VPS13C: variants seen among roughly 807,000 people sequenced by gnomAD.
VPS13C encodes the protein vacuolar protein sorting 13 homolog C, also known as intermembrane lipid transfer protein VPS13C.
A neutral mutation model predicts 456.8 loss-of-function variants in VPS13C; 358 were observed. The ratio of observed to expected loss-of-function variants is 0.78; its 90% CI spans 0.72 to 0.86. VPS13C has a LOEUF of 0.86. VPS13C is among the 40% of genes least tolerant of loss of function. VPS13C has a pLI of 0.00. For synonymous variants in VPS13C, 1,578 were observed against 1,486.7 expected (o/e 1.06, Z -1.41); for missense variants, 4,818 against 4,385.4 (o/e 1.10, Z -2.79).
At chr15:61,936,434 G>A (rs758053369) in intron 48 of VPS13C, among the ~76,000 whole-genome samples, 163 bp downstream of exon 48, 3 of 152,184 alleles carry the variant, frequency 2.0e-5, no homozygotes, top group Non-Finnish European at 4.4e-5. Flanking sequence ...CCCTGTAGCA[G>A]AGAACAGACA....
chr15:62,029,655 C>T (rs1333957542), intron 5 of VPS13C, among the ~76,000 whole-genome samples: 1 of 152,002 alleles, frequency 6.6e-6, no homozygotes, highest in African/African-American at 2.4e-5. Context: ...CTTATTTGTC[C>T]AATTAAAATA....
At chr15:62,013,791 A>T in intron 10 of VPS13C, 142 bp downstream of exon 10, 1 of 563,538 alleles carries the variant, frequency 1.8e-6, no homozygotes, top group South Asian at 3.0e-5. Flanking sequence ...AGAGGGTCAC[A>T]TAGTAAGTAG....
chr15:62,023,741 G>A, intron 7 of VPS13C, 39 bp downstream of exon 7: 2 of 1,543,540 alleles, frequency 1.3e-6, no homozygotes, highest in Non-Finnish European at 8.9e-7. Flanking sequence ...GTGGCAATGT[G>A]TATAAACAAC....
intron 1 of VPS13C, among the ~76,000 whole-genome samples, chr15:62,056,382 A>G (rs891619111): frequency 6.6e-6 from 1 of 152,234 alleles, no homozygotes; most frequent in African/African-American, 2.4e-5. Context: ...CTGAGGGGAC[A>G]TAGTGAGGTG....
chr15:61,986,172 T>G lies in VPS13C; in HGVS notation c.1579-1173A>C, dbSNP rs77143923. Among the ~76,000 whole-genome samples the G allele has an allele frequency of 3.9e-3, 538 of 139,528 alleles. 5 individuals carry two copies. The highest frequency in any genetic ancestry group is 0.014 in the African/African-American group (521 of 37,408). 91.5% of individuals were successfully genotyped at this position (139,528 alleles called of 152,430 possible). Reference sequence around the variant, plus strand: ...ACAGGCTCACTAGATTCATGACAAATTGGAACAAAAACCAGCAGAAACAAC... The same window carrying G: ...ACAGGCTCACTAGATTCATGACAAAGTGGAACAAAAACCAGCAGAAACAAC... On this transcript the variant is annotated intron_variant, in intron 18 of 84. Transcript: ENST00000644861.
In VPS13C at chr15:61,880,843, C is replaced by T; in HGVS notation, c.9888G>A (p.Arg3296=). 1 of 1,581,136 alleles carries T rather than the reference C, an allele frequency of 6.3e-7. No homozygotes were observed. The highest frequency in any genetic ancestry group is 8.5e-7 in the Non-Finnish European group (1 of 1,170,462). Reference sequence around the variant, plus strand: ...TTCCCCAAGAAATAAAAATTTTTACCCGTCTTCTTTCAGCTTCAGGGTCTG... The same window carrying T: ...TTCCCCAAGAAATAAAAATTTTTACTCGTCTTCTTTCAGCTTCAGGGTCTG... The part of the protein sequence containing the change: ...PTTDPEAERR[R]TKLIQQDIDA... Residue 3296 remains arginine, a splice_region_variant and synonymous_variant, in exon 72 of 85, where the codon CGG becomes CGA. Coordinates refer to ENST00000644861, the MANE Select transcript of VPS13C (RefSeq NM_020821.3).
chr15:61,868,347 G>C (rs1010240041), intron 81 of VPS13C, among the ~76,000 whole-genome samples: 1 of 151,922 alleles, frequency 6.6e-6, no homozygotes, highest in African/African-American at 2.4e-5. Context: ...CCAATAATCA[G>C]CTACAAAGCA....
At chr15:61,870,423 T>G (rs1175195111) in intron 79 of VPS13C, among the ~76,000 whole-genome samples, 1 of 152,198 alleles carries the variant, frequency 6.6e-6, no homozygotes, top group Non-Finnish European at 1.5e-5. Context: ...AGCATCATGT[T>G]TTCAAGGTTC....
In VPS13C at chr15:61,959,527, A is replaced by T. The variant is rs755144074; in HGVS notation, c.3977T>A (p.Leu1326His). The T allele has an allele frequency of 6.2e-7, 1 of 1,613,268 alleles. No homozygotes were observed. The highest frequency in any genetic ancestry group is 8.5e-7 in the Non-Finnish European group (1 of 1,179,458). Residue 1326 changes from leucine to histidine, a missense_variant, in exon 36 of 85, where the codon CTT becomes CAT. Physicochemically the swap from Leu to His is moderately conservative, Grantham distance 99 (BLOSUM62 -3). Coordinates refer to ENST00000644861, the MANE Select transcript of VPS13C (RefSeq NM_020821.3). ...QLLHPINLEF[L>H]VNRNLAASWY... ...AGATGCAGCTAGATTCCGATTTACAAGAAATTCCAAGTTAATTGGGTGCAA... is the reference window on the plus strand; with the variant it reads ...AGATGCAGCTAGATTCCGATTTACATGAAATTCCAAGTTAATTGGGTGCAA...
At chr15:61,983,382 T>TA (rs1174934193) in intron 20 of VPS13C, among the ~76,000 whole-genome samples, 5 of 152,180 alleles carry the variant, frequency 3.3e-5, no homozygotes, top group Admixed American at 6.5e-5. Context: ...GAACTTCCAA[T>TA]AACATCTAAA....
At chr15:62,047,002 C>T (rs185813392) in intron 1 of VPS13C, among the ~76,000 whole-genome samples, 8 of 151,242 alleles carry the variant, frequency 5.3e-5, no homozygotes, top group Admixed American at 1.3e-4. Context: ...GAAATTATTA[C>T]GGAAATTATA....
intron 2 of VPS13C, among the ~76,000 whole-genome samples, chr15:62,042,036 G>C (rs1164228783): frequency 2.6e-5 from 4 of 152,062 alleles, no homozygotes; most frequent in Admixed American, 2.6e-4. Flanking sequence ...AAAAAGAAGA[G>C]TCTTTTTGCA....
rs1265911976 is a variant in VPS13C, at chr15:61,927,296, G to A, written c.6311C>T (p.Thr2104Ile). 6.2e-7 allele frequency: 1 copy of A among 1,614,118 alleles called. No individual in the cohort carries two copies. Among genetic ancestry groups the A allele is most frequent in the Non-Finnish European group, 8.5e-7 (1 of 1,179,988 alleles). ...TGGATCTGTGATCATGGCCTTTAAA[G>A]TCATATTTGGTCTAACAGAGTCATC... is the stretch of plus-strand genomic sequence containing the variant. ...EKDDSVRPNM[T>I]LKAMITDPEV... Residue 2104 changes from threonine (T) to isoleucine (I), a missense_variant, in exon 52 of 85, where the codon ACT becomes ATT. Thr to Ile is a moderately conservative substitution (Grantham distance 89). This residue lies in a region of VPS13C where 4,552 missense variants were observed against 4,130.6 expected (regional missense o/e 1.10). Coordinates refer to ENST00000644861, the MANE Select transcript of VPS13C (RefSeq NM_020821.3).
chr15:61,972,991 T>A (rs2045600062), intron 26 of VPS13C, among the ~76,000 whole-genome samples: 1 of 152,204 alleles, frequency 6.6e-6, no homozygotes, highest in Non-Finnish European at 1.5e-5. Context: ...AATGGTTCTG[T>A]TTTTCCCTAT....
At chr15:62,029,535 C>T (rs2047742355) in intron 5 of VPS13C, among the ~76,000 whole-genome samples, 1 of 152,206 alleles carries the variant, frequency 6.6e-6, no homozygotes, top group East Asian at 1.9e-4. Context: ...ATAGTGTCTA[C>T]CCTGATCTCT....
At position 61,970,802 on chromosome 15, in the gene VPS13C, T is replaced by C. The variant is rs568982478; in HGVS notation, c.2758-1350A>G. 2.0e-5 allele frequency among the ~76,000 whole-genome samples: 3 copies of C among 151,502 alleles called. No individual in the cohort carries two copies. In the South Asian group the frequency reaches 6.3e-4, roughly 32 times the overall value. On this transcript the variant is annotated intron_variant, in intron 27 of 84. Coordinates refer to ENST00000644861, the MANE Select transcript of VPS13C (RefSeq NM_020821.3). ...AGAAAATGAAGGTTGCTGTCTTGTCTTGGGTGGTCAGATCTTTCCAATAAG... is the reference window on the plus strand; with the variant it reads ...AGAAAATGAAGGTTGCTGTCTTGTCCTGGGTGGTCAGATCTTTCCAATAAG...
chr15:61,892,949 C>A (rs1362905356), intron 66 of VPS13C, among the ~76,000 whole-genome samples: 1 of 151,848 alleles, frequency 6.6e-6, no homozygotes, highest in African/African-American at 2.4e-5. Context: ...GAGGAGAAAA[C>A]AGAATAAAAA....
chr15:62,023,625 C>A (rs769780357), intron 7 of VPS13C, 105 bp from the exon 8 acceptor site: 1 of 1,111,194 alleles, frequency 9.0e-7, no homozygotes, highest in Non-Finnish European at 1.3e-6. Context: ...AAATTACAGC[C>A]AATAGTGTCT....
At chr15:62,019,563 G>C (rs1053781720) in intron 9 of VPS13C, among the ~76,000 whole-genome samples, 41 of 152,098 alleles carry the variant, frequency 2.7e-4, no homozygotes, top group Non-Finnish European at 4.7e-4. Context: ...AGTCATTCAG[G>C]AGAAGGTTGT....
Sources: gnomAD v4.1 joint callset for allele counts (sites outside exome capture counted in the v4.1 genomes callset) on GRCh38, gnomAD v4.1.1 for gene constraint, gnomAD v4.1.1 regional missense constraint, MANE v1.5 for transcripts, NCBI Gene and HGNC (gene_info 2026-07-23, HGNC 2026-07-21) for gene names.